FRMD4A: variants seen among roughly 807,000 people sequenced by gnomAD.
The protein encoded by FRMD4A is FERM domain containing 4A.
Under a neutral mutation model 129.1 loss-of-function variants are expected in FRMD4A, and 29 were observed. The observed-to-expected ratio is 0.22, with a 90% CI of 0.17 to 0.31. FRMD4A has a LOEUF of 0.31. FRMD4A is among the 10% of genes least tolerant of loss of function. FRMD4A has a pLI of 1.00. For synonymous variants in FRMD4A, 634 were observed against 571.6 expected (o/e 1.11, Z -1.56); for missense variants, 1,272 against 1,375.8 (o/e 0.92, Z 1.19).
At chr10:14,325,040 T>C (rs531389914) in intron 2 of FRMD4A, among the ~76,000 whole-genome samples, 3 of 152,322 alleles carry the variant, frequency 2.0e-5, no homozygotes, top group African/African-American at 7.2e-5. Context: ...CTTCACCATA[T>C]AATAGGAAGA....
intron 2 of FRMD4A, among the ~76,000 whole-genome samples, chr10:14,055,314 A>G (rs1834457391): frequency 1.3e-5 from 2 of 152,194 alleles, no homozygotes; most frequent in African/African-American, 2.4e-5. Context: ...TTCCAGACGC[A>G]GTCTTCATCC....
chr10:14,084,470 C>T (rs948614937), intron 2 of FRMD4A, among the ~76,000 whole-genome samples: 1 of 152,112 alleles, frequency 6.6e-6, no homozygotes, highest in African/African-American at 2.4e-5. Flanking sequence ...AATATATACC[C>T]TCCTGTACTA....
intron 2 of FRMD4A, among the ~76,000 whole-genome samples, chr10:13,865,408 GTTTTATTTTATTTTA>G (rs56008576): frequency 0.018 from 2,322 of 127,132 alleles, 66 homozygotes; most frequent in African/African-American, 0.059. Context: ...TATTTTATTT[GTTTTATTTTATTTTA>G]TTTTATTTTA....
rs185838365 is a variant in FRMD4A at position 14,176,519 on chromosome 10, G to A, written c.45+153539C>T. Among the ~76,000 whole-genome samples the A allele has an allele frequency of 1.5e-4, 21 of 140,854 alleles. No individual in the cohort carries two copies. The East Asian group carries it at 3.1e-3, about 21-fold the overall frequency. The allele number at this position is 140,854 out of a possible 152,430, so 92.4% of individuals were successfully genotyped here. A position where few individuals can be genotyped will look rare whatever the true frequency, so the allele number is the denominator to read the frequency against. On this transcript the variant is annotated intron_variant, in intron 2 of 24. Transcript: ENST00000357447. Reference sequence around the variant, plus strand: ...AGACGGAGTCTCCCTCTGTTGGCCAGGCTGGAGTGCAATGGCGCAATCTCA... The same window carrying A: ...AGACGGAGTCTCCCTCTGTTGGCCAAGCTGGAGTGCAATGGCGCAATCTCA...
intron 3 of FRMD4A, among the ~76,000 whole-genome samples, chr10:13,844,308 G>T (rs1167051445): frequency 6.6e-6 from 1 of 152,090 alleles, no homozygotes; most frequent in Non-Finnish European, 1.5e-5. Flanking sequence ...GTGAAAATCG[G>T]TGATTTACCC....
At chr10:13,979,008 G>A (rs1007017655) in intron 2 of FRMD4A, among the ~76,000 whole-genome samples, 1 of 152,110 alleles carries the variant, frequency 6.6e-6, no homozygotes, top group Non-Finnish European at 1.5e-5. Context: ...TGCACACCAG[G>A]CCCCAGTAGA....
chr10:14,005,985 G>A (rs1251278907), intron 2 of FRMD4A, among the ~76,000 whole-genome samples: 5 of 152,144 alleles, frequency 3.3e-5, no homozygotes, highest in African/African-American at 4.8e-5. Flanking sequence ...CCTTAGAGCC[G>A]CTGATGGAAC....
Position 13,654,474 on chromosome 10 carries a change from T to C in FRMD4A, c.2992A>G (p.Ser998Gly). 6.2e-7 allele frequency: 1 copy of C among 1,614,000 alleles called. No homozygotes were observed. Among genetic ancestry groups the C allele is most frequent in the South Asian group, 1.1e-5 (1 of 91,070 alleles). ...CTTGGGGGGGTGGCTCCAATTTCAC[T>C]TGACGGTGTCGAGCTTCTCTGGCTT... ...PQSQRSSTPS[S>G]EIGATPPSSP... Residue 998 changes from serine (S) to glycine (G), a missense_variant, in exon 23 of 25, where the codon AGT becomes GGT. Around this residue, in one of 2 missense-constraint regions of FRMD4A, gnomAD observed 972 missense variants for 892.3 expected, o/e 1.09. Coordinates refer to ENST00000357447, the MANE Select transcript of FRMD4A (RefSeq NM_018027.5).
intron 2 of FRMD4A, among the ~76,000 whole-genome samples, chr10:14,097,995 T>C (rs1837074112): frequency 1.4e-5 from 2 of 141,836 alleles, no homozygotes; most frequent in East Asian, 3.9e-4. Flanking sequence ...ATATAAATTA[T>C]AGATTATATA....
intron 2 of FRMD4A, chr10:13,871,302 G>A (rs532800092): frequency 2.0e-5 from 3 of 153,064 alleles, no homozygotes; most frequent in Non-Finnish European, 4.4e-5. Context: ...GGGCGGACAC[G>A]GTGCACTGTT....
intron 12 of FRMD4A, among the ~76,000 whole-genome samples, chr10:13,718,872 A>C (rs886204056): frequency 6.6e-6 from 1 of 152,178 alleles, no homozygotes; most frequent in Non-Finnish European, 1.5e-5. Context: ...TTTATGCTCT[A>C]ATGTCTTCCT....
intron 2 of FRMD4A, among the ~76,000 whole-genome samples, chr10:14,306,255 T>C: frequency 6.6e-6 from 1 of 152,280 alleles, no homozygotes; most frequent in South Asian, 2.1e-4. Context: ...TATATACATG[T>C]TTTAAAGCAG....
chr10:14,136,414 T>C (rs1839537399), intron 2 of FRMD4A, among the ~76,000 whole-genome samples: 1 of 152,178 alleles, frequency 6.6e-6, no homozygotes, highest in African/African-American at 2.4e-5. Context: ...TAGCTTATCT[T>C]CACAGGGACA....
chr10:14,059,976 C>A (rs1010930866), intron 2 of FRMD4A, among the ~76,000 whole-genome samples: 4 of 152,222 alleles, frequency 2.6e-5, no homozygotes, highest in Admixed American at 2.6e-4. Context: ...CATAGTGGTG[C>A]TAACTCGCTA....
rs114914985 is a variant in FRMD4A at position 13,782,227 on chromosome 10, C to T, written c.384+695G>A. 7.9e-3 allele frequency among the ~76,000 whole-genome samples: 1,205 copies of T among 152,134 alleles called. 14 individuals carry two copies. Among genetic ancestry groups the T allele is most frequent in the African/African-American group, 0.023 (949 of 41,506 alleles). On this transcript the variant is annotated intron_variant, in intron 6 of 24. Coordinates refer to ENST00000357447, the MANE Select transcript of FRMD4A (RefSeq NM_018027.5). ...GACCAACTAAAAATGGTCAAATATA[C>T]ACGTATTTGGTTATAAGAAGCTCAT...
At chr10:14,258,614 G>A (rs1844696465) in intron 2 of FRMD4A, among the ~76,000 whole-genome samples, 1 of 152,160 alleles carries the variant, frequency 6.6e-6, no homozygotes. Context: ...ATGTAAAATG[G>A]TACAGTAACA....
At chr10:14,319,367 T>TCTCTCTCTCA (rs112041665) in intron 2 of FRMD4A, among the ~76,000 whole-genome samples, 14 of 145,052 alleles carry the variant, frequency 9.7e-5, no homozygotes, top group Admixed American at 7.5e-4. Context: ...TCTCTCTCTC[T>TCTCTCTCTCA]CACACACACA....
At chr10:14,147,902 T>A (rs1157885823) in intron 2 of FRMD4A, among the ~76,000 whole-genome samples, 1 of 152,178 alleles carries the variant, frequency 6.6e-6, no homozygotes. Context: ...TACTATGTGA[T>A]CTTGGGACAG....
chr10:14,326,558 A>C (rs939206851), intron 2 of FRMD4A: 8 of 307,328 alleles, frequency 2.6e-5, no homozygotes, highest in African/African-American at 1.1e-4. Context: ...AATTTGCATT[A>C]TTTATTATCC....
Sources: allele counts gnomAD v4.1 joint callset (sites outside exome capture counted in the v4.1 genomes callset), GRCh38; gene constraint gnomAD v4.1.1; regional missense constraint gnomAD v4.1.1; transcripts MANE v1.5; gene names NCBI Gene and HGNC (gene_info 2026-07-23, HGNC 2026-07-21).